RAB27B: variants seen among roughly 807,000 people sequenced by gnomAD.
RAB27B encodes the protein RAB27B, member RAS oncogene family.
A neutral mutation model predicts 24.6 loss-of-function variants in RAB27B; 15 were observed. That is an observed-to-expected ratio of 0.61 (90% CI 0.41 to 0.94). The LOEUF is 0.94. Among genes scored for constraint, RAB27B ranks in the 40% least tolerant of loss-of-function variants. The probability of loss-of-function intolerance (pLI) is 0.00; values close to 1 mark genes in which losing one functional copy is unlikely to be tolerated. For missense variants in RAB27B, 261 were observed against 266.8 expected, an observed-to-expected ratio of 0.98 and a Z score of 0.15; for synonymous variants, 105 against 92.5, an observed-to-expected ratio of 1.14 and a Z score of -0.78.
At chr18:54,722,051 T>C (rs1231851035) in intron 2 of RAB27B, among the ~76,000 whole-genome samples, 1 of 151,980 alleles carries the variant, frequency 6.6e-6, no homozygotes, top group African/African-American at 2.4e-5. Context: ...AGAGGAAAAA[T>C]GAGATGATAT....
intron 2 of RAB27B, among the ~76,000 whole-genome samples, chr18:54,805,412 T>C (rs1323486629): frequency 6.6e-6 from 1 of 152,246 alleles, no homozygotes; most frequent in Non-Finnish European, 1.5e-5. Context: ...CTTCATACTT[T>C]CCTTTTTCTG....
chr18:54,794,893 G>T (rs747780582), intron 2 of RAB27B, among the ~76,000 whole-genome samples: 1 of 150,848 alleles, frequency 6.6e-6, no homozygotes, highest in Non-Finnish European at 1.5e-5. Context: ...CACAAATGAA[G>T]TTGTCCTCTA....
intron 1 of RAB27B, among the ~76,000 whole-genome samples, chr18:54,867,637 G>A (rs2145251609): frequency 6.6e-6 from 1 of 151,970 alleles, no homozygotes; most frequent in Middle Eastern, 3.4e-3. Context: ...AGTAGAGACA[G>A]GGTTTCACCA....
At chr18:54,807,158 C>T (rs1193541284) in intron 2 of RAB27B, among the ~76,000 whole-genome samples, 2 of 152,224 alleles carry the variant, frequency 1.3e-5, no homozygotes, top group African/African-American at 2.4e-5. Context: ...GTTGGCCTCC[C>T]AAAGTGCTGG....
At chr18:54,844,990 G>A (rs1185838963) in intron 1 of RAB27B, among the ~76,000 whole-genome samples, 3 of 152,142 alleles carry the variant, frequency 2.0e-5, no homozygotes, top group Admixed American at 6.5e-5. Flanking sequence ...AGAATCTGAT[G>A]TGTCGACTTT....
intron 1 of RAB27B, among the ~76,000 whole-genome samples, chr18:54,871,348 T>C (rs1484122676): frequency 1.3e-5 from 2 of 152,206 alleles, no homozygotes; most frequent in East Asian, 1.9e-4. Context: ...GAATATTTCA[T>C]AGTCAATTAG....
chr18:54,789,218 A>G (rs1909178213), intron 2 of RAB27B, among the ~76,000 whole-genome samples: 1 of 152,198 alleles, frequency 6.6e-6, no homozygotes, highest in Non-Finnish European at 1.5e-5. Context: ...TTATATTATG[A>G]GAATGAAAAG....
chr18:54,831,896 C>G (rs966150446), intron 1 of RAB27B, among the ~76,000 whole-genome samples: 10 of 152,104 alleles, frequency 6.6e-5, no homozygotes, highest in Non-Finnish European at 1.3e-4. Flanking sequence ...CTGCCTCAGC[C>G]TCCTGAATAG....
rs1003695853 is a variant in RAB27B at position 54,883,032 on chromosome 18, C to T, written c.240-1301C>T. On this transcript the variant is annotated intron_variant, in intron 3 of 5. Transcript: ENST00000262094. The stretch of plus-strand genomic sequence containing the variant: ...AGTAGATGGCCAGAAATGAGAAGGT[C>T]GAAAGATATATGTTAACTGTAGACA... Among the ~76,000 whole-genome samples, 7 of 151,656 alleles carry T rather than the reference C, an allele frequency of 4.6e-5. 1 individual carries two copies. The highest frequency in any genetic ancestry group is 1.7e-4 in the African/African-American group (7 of 41,230).
chr18:54,823,573 C>T (rs1483034560), upstream of RAB27B, among the ~76,000 whole-genome samples: 2 of 152,092 alleles, frequency 1.3e-5, no homozygotes, highest in African/African-American at 4.8e-5. Context: ...TCTTAGAACC[C>T]ACCTTTATTT....
chr18:54,727,947 A>G (rs1042041598), intron 2 of RAB27B, among the ~76,000 whole-genome samples: 2 of 152,216 alleles, frequency 1.3e-5, no homozygotes, highest in East Asian at 1.9e-4. Flanking sequence ...TCCACGCTAC[A>G]GCTCCCTGAC....
chr18:54,864,194 C>A (rs754057416), intron 1 of RAB27B, among the ~76,000 whole-genome samples: 1 of 152,182 alleles, frequency 6.6e-6, no homozygotes, highest in Non-Finnish European at 1.5e-5. Context: ...TCTCTTTATA[C>A]CCATCCTTCT....
At chr18:54,858,347 A>G (rs372553061) in intron 1 of RAB27B, among the ~76,000 whole-genome samples, 69 of 151,590 alleles carry the variant, frequency 4.6e-4, no homozygotes, top group African/African-American at 1.6e-3. Context: ...AACACCTACC[A>G]AAATGGGCTC....
At chr18:54,848,347 T>C (rs1422410145) in intron 1 of RAB27B, among the ~76,000 whole-genome samples, 3 of 152,192 alleles carry the variant, frequency 2.0e-5, no homozygotes, top group East Asian at 3.8e-4. Flanking sequence ...ACTATAGAGA[T>C]TTTTATGTTA....
chr18:54,740,107 T>C (rs1910029021), intron 2 of RAB27B, among the ~76,000 whole-genome samples: 3 of 152,214 alleles, frequency 2.0e-5, no homozygotes, highest in Admixed American at 1.3e-4. Flanking sequence ...TCTTTTATGG[T>C]TTGTTCATGG....
At chr18:54,844,408 C>CTTTTTTTTTTTTTT (rs148747981) in intron 1 of RAB27B, among the ~76,000 whole-genome samples, 21 of 107,876 alleles carry the variant, frequency 1.9e-4, no homozygotes, top group African/African-American at 3.7e-4. Flanking sequence ...CTTTTCTTTT[C>CTTTTTTTTTTTTTT]TTTTTTTTTT....
chr18:54,880,303 T>C (rs1018028052), intron 3 of RAB27B: 24 of 152,144 alleles, frequency 1.6e-4, no homozygotes, highest in African/African-American at 5.6e-4. Context: ...TACTATTCCA[T>C]TGTTAGATGG....
At chr18:54,769,979 T>A (rs994380562) in intron 2 of RAB27B, among the ~76,000 whole-genome samples, 4 of 152,186 alleles carry the variant, frequency 2.6e-5, no homozygotes, top group African/African-American at 9.6e-5. Context: ...GTGATTCTCC[T>A]GCCTCAGCCT....
At chr18:54,748,097 A>G (rs924623421) in intron 2 of RAB27B, among the ~76,000 whole-genome samples, 1 of 152,120 alleles carries the variant, frequency 6.6e-6, no homozygotes, top group African/African-American at 2.4e-5. Flanking sequence ...ATAGAGTGAG[A>G]CCTTGTCTCA....
Sources: allele counts gnomAD v4.1 joint callset (sites outside exome capture counted in the v4.1 genomes callset), GRCh38; gene constraint gnomAD v4.1.1; transcripts MANE v1.5; gene names NCBI Gene and HGNC (gene_info 2026-07-23, HGNC 2026-07-21).